GALNT13: variants seen among roughly 807,000 people sequenced by gnomAD.
GALNT13 encodes UDP-GalNAc:polypeptide N-acetylgalactosaminyltransferase 13.
In GALNT13, 28 loss-of-function variants were observed where a neutral mutation model predicts 64.2. That is an observed-to-expected ratio of 0.44 (90% CI 0.32 to 0.60). The LOEUF (loss-of-function observed/expected upper bound fraction) is 0.60. Ranked by LOEUF, GALNT13 falls within the 20% of genes least tolerant of loss-of-function variation. GALNT13 has a pLI of 0.05. For missense variants in GALNT13, 577 were observed against 669.8 expected (o/e 0.86, Z 1.53); for synonymous variants, 214 against 224.6 (o/e 0.95, Z 0.42).
intron 4 of GALNT13, among the ~76,000 whole-genome samples, chr2:154,145,104 A>ATCTATCTATCTATC (rs1558984611): frequency 7.8e-6 from 1 of 128,712 alleles, no homozygotes; most frequent in Non-Finnish European, 1.7e-5. Flanking sequence ...ATCTATCTAT[A>ATCTATCTATCTATC]TATATATATA....
At chr2:154,071,888 G>T (rs1002171994) in intron 3 of GALNT13, among the ~76,000 whole-genome samples, 1 of 152,062 alleles carries the variant, frequency 6.6e-6, no homozygotes, top group Non-Finnish European at 1.5e-5. Flanking sequence ...TGCTGTTTAT[G>T]ATGAAATAGA....
chr2:153,292,980 C>G, the GALNT13 span, among the ~76,000 whole-genome samples: 1 of 152,076 alleles, frequency 6.6e-6, no homozygotes, highest in Admixed American at 6.6e-5. Context: ...ATCTTCATCA[C>G]TGTATATCTT....
the GALNT13 span, among the ~76,000 whole-genome samples, chr2:153,154,819 A>G: frequency 1.3e-4 from 20 of 152,282 alleles, no homozygotes; most frequent in African/African-American, 4.3e-4. Context: ...TCAAAGGGGA[A>G]TGCTTCCAGC....
chr2:153,894,300 T>G (rs1402620782), intron 1 of GALNT13, among the ~76,000 whole-genome samples: 1 of 152,026 alleles, frequency 6.6e-6, no homozygotes, highest in African/African-American at 2.4e-5. Flanking sequence ...AAAGGAGGAA[T>G]GGATGATAGA....
the GALNT13 span, among the ~76,000 whole-genome samples, chr2:153,640,060 G>A: frequency 1.3e-5 from 2 of 152,088 alleles, no homozygotes; most frequent in Non-Finnish European, 2.9e-5. Flanking sequence ...CAATTCCATT[G>A]ATTTCTGGAG....
the GALNT13 span, among the ~76,000 whole-genome samples, chr2:153,250,929 A>G: frequency 6.6e-6 from 1 of 151,710 alleles, no homozygotes; most frequent in South Asian, 2.1e-4. Context: ...TAATGCATGC[A>G]GGGCTTAAAA....
chr2:153,371,372 GA>G, the GALNT13 span, among the ~76,000 whole-genome samples: 1 of 151,946 alleles, frequency 6.6e-6, no homozygotes, highest in Non-Finnish European at 1.5e-5. Flanking sequence ...ATGTAGATCA[GA>G]AAAAAATTCA....
chr2:153,539,464 G>T, the GALNT13 span, among the ~76,000 whole-genome samples: 1 of 151,908 alleles, frequency 6.6e-6, no homozygotes, highest in Non-Finnish European at 1.5e-5. Flanking sequence ...TGAAGTCCTT[G>T]CCCATGCCTA....
At chr2:153,101,494 C>A in the GALNT13 span, among the ~76,000 whole-genome samples, 1 of 152,116 alleles carries the variant, frequency 6.6e-6, no homozygotes, top group Non-Finnish European at 1.5e-5. Context: ...TGTTTTTTTG[C>A]ACTTTTGAGA....
the GALNT13 span, among the ~76,000 whole-genome samples, chr2:153,345,699 CTT>C: frequency 8.6e-3 from 913 of 106,160 alleles, 20 homozygotes; most frequent in Admixed American, 0.021. Context: ...TTCTTTCTTT[CTT>C]TCTCTTTCTC....
At chr2:153,633,026 G>A in the GALNT13 span, among the ~76,000 whole-genome samples, 2 of 152,114 alleles carry the variant, frequency 1.3e-5, no homozygotes, top group African/African-American at 4.8e-5. Flanking sequence ...CTCCCAAAGT[G>A]CTGGGATTAC....
the GALNT13 span, among the ~76,000 whole-genome samples, chr2:153,272,053 T>A: frequency 9.2e-5 from 14 of 152,262 alleles, 1 homozygote; most frequent in Admixed American, 3.3e-4. Flanking sequence ...CTGGGAAAAC[T>A]GGCTAGCCAT....
chr2:153,995,442 A>T (rs1014586692), intron 3 of GALNT13, among the ~76,000 whole-genome samples: 2 of 152,130 alleles, frequency 1.3e-5, no homozygotes, highest in African/African-American at 4.8e-5. Flanking sequence ...AGACATTGTC[A>T]TTTCTCTCAG....
At chr2:153,915,636 TATC>T (rs1689278322) in intron 2 of GALNT13, among the ~76,000 whole-genome samples, 1 of 152,158 alleles carries the variant, frequency 6.6e-6, no homozygotes, top group African/African-American at 2.4e-5. Context: ...GCCTGATCAT[TATC>T]ATCATGGGCT....
At chr2:154,153,146 A>G (rs535572931) in intron 4 of GALNT13, among the ~76,000 whole-genome samples, 1 of 152,240 alleles carries the variant, frequency 6.6e-6, no homozygotes, top group South Asian at 2.1e-4. Flanking sequence ...TTTTCCTTCT[A>G]ACAGATAGGA....
At chr2:153,088,720 T>A in the GALNT13 span, among the ~76,000 whole-genome samples, 11 of 152,142 alleles carry the variant, frequency 7.2e-5, no homozygotes, top group Non-Finnish European at 1.6e-4. Context: ...ATTGTTATTA[T>A]GTCCCTCCTT....
intron 8 of GALNT13, chr2:154,286,651 G>A: frequency 3.7e-6 from 1 of 268,106 alleles, no homozygotes; most frequent in South Asian, 4.9e-5. Flanking sequence ...TGTTGTAGGA[G>A]GCATGGTGAA....
the GALNT13 span, among the ~76,000 whole-genome samples, chr2:153,608,252 G>T: frequency 6.6e-6 from 1 of 152,074 alleles, no homozygotes; most frequent in Non-Finnish European, 1.5e-5. Context: ...ATACGATAAC[G>T]TATTTAAAGG....
chr2:154,138,157 C>T lies in GALNT13; in HGVS notation c.143-2180C>T, dbSNP rs1683054698. ...TGCCCCTAGCTCCCTACCTAAATCT[C>T]CTTTGTATTATCACTTACTGACAAT... On this transcript the variant is annotated intron_variant, in intron 3 of 12. Coordinates refer to ENST00000392825, the MANE Select transcript of GALNT13 (RefSeq NM_052917.4). Among the ~76,000 whole-genome samples, 4 of 152,042 alleles carry T rather than the reference C, an allele frequency of 2.6e-5. No individual in the cohort carries two copies. The South Asian group carries it at 8.3e-4, about 31-fold the overall frequency.
Sources: allele counts gnomAD v4.1 joint callset (sites outside exome capture counted in the v4.1 genomes callset), GRCh38; gene constraint gnomAD v4.1.1; transcripts MANE v1.5; gene names NCBI Gene and HGNC (gene_info 2026-07-23, HGNC 2026-07-21).